Variants in GAS7 observed in about 807,000 individuals in gnomAD.
GAS7 encodes the protein growth arrest specific 7.
In GAS7, 28 loss-of-function variants were observed where a neutral mutation model predicts 71.1. That is an observed-to-expected ratio of 0.39 (90% CI 0.29 to 0.54). The LOEUF (loss-of-function observed/expected upper bound fraction) is 0.54, where lower values mean the gene tolerates loss of function less well. Ranked by LOEUF, GAS7 falls within the 20% of genes least tolerant of loss-of-function variation. The pLI is 0.62. For synonymous variants in GAS7, 258 were observed against 245.8 expected (o/e 1.05, Z -0.46); for missense variants, 436 against 627.8 (o/e 0.69, Z 3.27).
intron 1 of GAS7, among the ~76,000 whole-genome samples, chr17:10,186,282 C>T (rs1012186507): frequency 1.3e-5 from 2 of 151,838 alleles, no homozygotes; most frequent in African/African-American, 2.4e-5. Flanking sequence ...ACAAGAGCCT[C>T]GAGTGATATG....
At chr17:9,920,191 G>T (rs1002750395) in intron 11 of GAS7, among the ~76,000 whole-genome samples, 1 of 152,068 alleles carries the variant, frequency 6.6e-6, no homozygotes, top group Admixed American at 6.5e-5. Context: ...AAGTGTGTGT[G>T]TGTGTGTGTG....
In GAS7 at chr17:9,914,012, TA is replaced by T. The variant is rs1311963434; in HGVS notation, c.*3215del. The T allele has an allele frequency of 4.3e-6, 1 of 230,672 alleles. No individual in the cohort carries two copies. The highest frequency in any genetic ancestry group is 8.6e-6 in the Non-Finnish European group (1 of 116,578). 14.3% of individuals were successfully genotyped at this position (230,672 alleles called of 1,614,324 possible). On this transcript the variant is annotated 3_prime_UTR_variant, in exon 14 of 14. Coordinates refer to ENST00000432992, the MANE Select transcript of GAS7 (RefSeq NM_201433.2). ...AAGTCCTCACCTAAGCACCAAGACA[TA>T]AAACAAAACAACAACCCGGATAGCG...
chr17:10,096,479 C>T (rs1352912319), intron 1 of GAS7, among the ~76,000 whole-genome samples: 1 of 152,174 alleles, frequency 6.6e-6, no homozygotes, highest in East Asian at 1.9e-4. Flanking sequence ...TTGTGGTAAG[C>T]CAATGAGGAA....
intron 8 of GAS7, among the ~76,000 whole-genome samples, chr17:9,937,517 G>A (rs1349768580): frequency 2.0e-5 from 3 of 152,234 alleles, no homozygotes; most frequent in Non-Finnish European, 4.4e-5. Context: ...AGGAGGCCAG[G>A]AATGAACTAA....
At chr17:10,046,848 A>AAGGAAGGAAGGAAGGAAGGAAG (rs1567567297) in intron 1 of GAS7, among the ~76,000 whole-genome samples, 1 of 124,214 alleles carries the variant, frequency 8.1e-6, no homozygotes, top group East Asian at 2.3e-4. Context: ...AAGGAAGGAA[A>AAGGAAGGAAGGAAGGAAGGAAG]GAAAAGAAAA....
chr17:10,193,369 A>C (rs1292204659), intron 1 of GAS7, among the ~76,000 whole-genome samples: 1 of 151,482 alleles, frequency 6.6e-6, no homozygotes, highest in Non-Finnish European at 1.5e-5. Flanking sequence ...CTGGCCCAGC[A>C]CTACCTCCTC....
At chr17:9,991,796 C>A (rs2070853028) in intron 2 of GAS7, among the ~76,000 whole-genome samples, 1 of 152,102 alleles carries the variant, frequency 6.6e-6, no homozygotes, top group Non-Finnish European at 1.5e-5. Flanking sequence ...AGAAATATGT[C>A]TTGTCACCGA....
chr17:9,949,680 G>A (rs529050978), intron 5 of GAS7, among the ~76,000 whole-genome samples: 7 of 152,200 alleles, frequency 4.6e-5, no homozygotes, highest in Admixed American at 4.6e-4. Context: ...AAGGATCAGA[G>A]GCAGGAATGA....
In GAS7 at chr17:9,915,872, G is replaced by C; in HGVS notation, c.*1356C>G. ...GGTGGAGAATGTGTTTGCTGTGGTAGAGAAAGGGAGAAAGTAATGAGCTGG... is the reference window on the plus strand; with the variant it reads ...GGTGGAGAATGTGTTTGCTGTGGTACAGAAAGGGAGAAAGTAATGAGCTGG... On this transcript the variant is annotated 3_prime_UTR_variant, in exon 14 of 14. Transcript: ENST00000432992. The C allele has an allele frequency of 4.3e-6, 1 of 232,052 alleles. No individual in the cohort carries two copies. Among genetic ancestry groups the C allele is most frequent in the Non-Finnish European group, 8.5e-6 (1 of 117,284 alleles). 14.4% of individuals were successfully genotyped at this position (232,052 alleles called of 1,614,324 possible).
intron 1 of GAS7, among the ~76,000 whole-genome samples, chr17:10,183,733 T>G (rs2074433041): frequency 6.6e-6 from 1 of 152,098 alleles, no homozygotes; most frequent in African/African-American, 2.4e-5. Flanking sequence ...TCCCAGCTAC[T>G]TGGGAGGCTG....
At chr17:10,145,756 T>C (rs2074116463) in intron 1 of GAS7, among the ~76,000 whole-genome samples, 1 of 152,128 alleles carries the variant, frequency 6.6e-6, no homozygotes, top group South Asian at 2.1e-4. Context: ...AGGAGTCAAC[T>C]GAGGGAAGGG....
rs146065687 is a variant in GAS7, at chr17:10,011,669, G to C, written c.304+8108C>G. On this transcript the variant is annotated intron_variant, in intron 2 of 13. Transcript: ENST00000432992. Reference sequence around the variant, plus strand: ...CATCAGGCTCTGCTTTATAGTGGGGGAGAAAGGGTTAAGATACCATCTCAA... The same window carrying C: ...CATCAGGCTCTGCTTTATAGTGGGGCAGAAAGGGTTAAGATACCATCTCAA... Among the ~76,000 whole-genome samples, 51 of 152,210 alleles carry C rather than the reference G, an allele frequency of 3.4e-4. 2 individuals carry two copies. The East Asian group carries it at 9.1e-3, about 27-fold the overall frequency.
chr17:10,107,656 T>G, intron 1 of GAS7, among the ~76,000 whole-genome samples: 1 of 119,220 alleles, frequency 8.4e-6, no homozygotes, highest in Non-Finnish European at 1.7e-5. Flanking sequence ...CCTTACACAG[T>G]CCAGTGGTGG....
chr17:9,997,521 G>T (rs1298395510), intron 2 of GAS7, among the ~76,000 whole-genome samples: 1 of 152,038 alleles, frequency 6.6e-6, no homozygotes, highest in Non-Finnish European at 1.5e-5. Flanking sequence ...CTGACATCAG[G>T]TATATGGGAG....
At chr17:9,918,235 CG>C (rs2067663303) in intron 12 of GAS7, 136 bp from the exon 13 acceptor site, 1 of 627,560 alleles carries the variant, frequency 1.6e-6, no homozygotes, top group East Asian at 2.8e-5. Flanking sequence ...TGATGAAGAG[CG>C]TGCCCCATAT....
intron 4 of GAS7, among the ~76,000 whole-genome samples, chr17:9,963,677 A>G (rs988115446): frequency 1.3e-5 from 2 of 152,052 alleles, no homozygotes; most frequent in African/African-American, 4.8e-5. Context: ...AGAATTCACG[A>G]GCTATAATGG....
rs201855947 is a variant in GAS7, at chr17:10,010,145, C to CT, written c.304+9631dup. On this transcript the variant is annotated intron_variant, in intron 2 of 13. Coordinates refer to ENST00000432992, the MANE Select transcript of GAS7 (RefSeq NM_201433.2). ...TATGTAAAACAAACAGGTTCTATTT[C>CT]TTTTTTTTTTTCTTTCTTTTTTGGG... is the stretch of plus-strand genomic sequence containing the variant. 4.3e-3 allele frequency among the ~76,000 whole-genome samples: 643 copies of CT among 147,844 alleles called. 2 individuals are homozygous for CT. Among genetic ancestry groups the CT allele is most frequent in the African/African-American group, 0.013 (517 of 40,424 alleles).
At chr17:9,971,053 C>T (rs762855995) in intron 3 of GAS7, among the ~76,000 whole-genome samples, 31 of 151,988 alleles carry the variant, frequency 2.0e-4, no homozygotes, top group Non-Finnish European at 3.4e-4. Context: ...TCCAACAAAG[C>T]GATAATAGCA....
intron 4 of GAS7, among the ~76,000 whole-genome samples, chr17:9,968,329 A>G (rs2069808342): frequency 6.6e-6 from 1 of 152,144 alleles, no homozygotes; most frequent in South Asian, 2.1e-4. Context: ...TGGTCCTCAG[A>G]CCTACAGCAT....
Sources: allele counts gnomAD v4.1 joint callset (sites outside exome capture counted in the v4.1 genomes callset), GRCh38; gene constraint gnomAD v4.1.1; transcripts MANE v1.5; gene names NCBI Gene and HGNC (gene_info 2026-07-23, HGNC 2026-07-21).